The following ADSL variants were observed in gnomAD, a reference collection of about 807,000 sequenced individuals.
ADSL encodes adenylosuccinate lyase.
A neutral mutation model predicts 62.1 loss-of-function variants in ADSL; 44 were observed. The ratio of observed to expected loss-of-function variants is 0.71; its 90% CI spans 0.56 to 0.91. The LOEUF (loss-of-function observed/expected upper bound fraction) is 0.91, where lower values mean the gene tolerates loss of function less well. ADSL is among the 40% of genes least tolerant of loss of function. The probability of loss-of-function intolerance (pLI) is 0.00; values close to 1 mark genes in which losing one functional copy is unlikely to be tolerated. For missense variants in ADSL, 531 were observed against 627.4 expected, an observed-to-expected ratio of 0.85 and a Z score of 1.64; for synonymous variants, 198 against 220.5, an observed-to-expected ratio of 0.90 and a Z score of 0.90.
At chr22:40,358,609 C>T (rs185463168) in intron 4 of ADSL, among the ~76,000 whole-genome samples, 7 of 152,210 alleles carry the variant, frequency 4.6e-5, no homozygotes. Flanking sequence ...TAAAAATTGC[C>T]TCTTGATGAA....
rs1341052593 is a variant in ADSL, at chr22:40,359,017, T to C, written c.636T>C (p.Phe212=). The C allele has an allele frequency of 1.9e-6, 3 of 1,614,000 alleles. No individual in the cohort carries two copies. The highest frequency in any genetic ancestry group is 2.5e-6 in the Non-Finnish European group (3 of 1,180,036). Residue 212 remains phenylalanine (F), a synonymous_variant, in exon 5 of 13, where the codon TTT becomes TTC. Transcript: ENST00000623063. ...CTCAGGCCAGTTTCCTGCAGCTCTT[T>C]GAGGGAGATGACCATAAGGTATTCT... The part of the protein sequence containing the change: ...TGTQASFLQL[F]EGDDHKVEQL...
At chr22:40,351,100 T>A (rs910273011) in intron 2 of ADSL, among the ~76,000 whole-genome samples, 1 of 152,078 alleles carries the variant, frequency 6.6e-6, no homozygotes, top group Non-Finnish European at 1.5e-5. Flanking sequence ...GCTCAAGTGA[T>A]TCTCCCACCT....
intron 2 of ADSL, among the ~76,000 whole-genome samples, chr22:40,381,337 T>A (rs966181294): frequency 6.6e-6 from 1 of 152,026 alleles, no homozygotes; most frequent in Non-Finnish European, 1.5e-5. Flanking sequence ...TTTGTAGTGA[T>A]GAAGCCTCAC....
chr22:40,366,314 T>A, intron 12 of ADSL, 122 bp from the exon 13 acceptor site: 1 of 738,914 alleles, frequency 1.4e-6, no homozygotes, highest in Non-Finnish European at 2.4e-6. Flanking sequence ...GAAAACAAGC[T>A]CAGTGTTGGA....
chr22:40,374,621 G>A (rs114099302), intron 2 of ADSL, among the ~76,000 whole-genome samples: 2,245 of 152,264 alleles, frequency 0.015, 40 homozygotes, highest in African/African-American at 0.048. Context: ...GGCGGCTCAC[G>A]CCTGTAATCC....
At chr22:40,359,476 C>CTTTTTTT (rs56719087) in intron 6 of ADSL, among the ~76,000 whole-genome samples, 170 bp downstream of exon 6, 7 of 43,868 alleles carry the variant, frequency 1.6e-4, no homozygotes, top group East Asian at 5.3e-4. Context: ...TATCTGGATT[C>CTTTTTTT]TTTTTTTTTT....
intron 2 of ADSL, among the ~76,000 whole-genome samples, chr22:40,379,184 A>G (rs1236231779): frequency 2.0e-5 from 3 of 152,178 alleles, no homozygotes; most frequent in Non-Finnish European, 1.5e-5. Flanking sequence ...AGGGATTTCT[A>G]TCTATTTTGA....
chr22:40,370,050 C>G (rs970518266), downstream of ADSL, among the ~76,000 whole-genome samples: 1 of 152,076 alleles, frequency 6.6e-6, no homozygotes, highest in Non-Finnish European at 1.5e-5. Context: ...CAGAAAATTT[C>G]GTTTTCCGGC....
intron 4 of ADSL, among the ~76,000 whole-genome samples, chr22:40,354,702 C>T (rs1490971587): frequency 6.6e-6 from 1 of 151,988 alleles, no homozygotes; most frequent in African/African-American, 2.4e-5. Context: ...GAAACGCTGT[C>T]TCTACTAAAA....
intron 2 of ADSL, among the ~76,000 whole-genome samples, chr22:40,380,523 C>A (rs1014931506): frequency 6.6e-6 from 1 of 152,072 alleles, no homozygotes; most frequent in Non-Finnish European, 1.5e-5. Flanking sequence ...TGCCCCATGA[C>A]ACCTGGCTAA....
intron 2 of ADSL, among the ~76,000 whole-genome samples, chr22:40,383,872 G>A (rs2047993508): frequency 1.3e-5 from 2 of 152,186 alleles, no homozygotes; most frequent in South Asian, 4.1e-4. Flanking sequence ...CTGGATTAAG[G>A]CAGTGGAAAT....
At chr22:40,369,448 ATATT>A (rs1480341300), downstream of ADSL, 2 of 147,896 alleles carry the variant, frequency 1.4e-5, no homozygotes, top group African/African-American at 2.5e-5. Context: ...ACATTCATAT[ATATT>A]ATATATAATA....
At chr22:40,374,716 G>T (rs138465498) in intron 2 of ADSL, among the ~76,000 whole-genome samples, 1 of 152,152 alleles carries the variant, frequency 6.6e-6, no homozygotes, top group Non-Finnish European at 1.5e-5. Flanking sequence ...ATGCCATCTC[G>T]ACCAAAAACA....
intron 2 of ADSL, 58 bp downstream of exon 2, chr22:40,350,093 T>G: frequency 6.5e-7 from 1 of 1,530,752 alleles, no homozygotes; most frequent in Non-Finnish European, 9.0e-7. Context: ...TTTGTCAATT[T>G]TATTTGATGT....
At chr22:40,385,456 G>C (rs903313021) in intron 2 of ADSL, among the ~76,000 whole-genome samples, 1 of 152,176 alleles carries the variant, frequency 6.6e-6, no homozygotes, top group Non-Finnish European at 1.5e-5. Flanking sequence ...CAAAGGAAAA[G>C]AGTATAAAGG....
intron 10 of ADSL, among the ~76,000 whole-genome samples, chr22:40,363,381 A>G (rs572528655): frequency 2.6e-5 from 4 of 152,202 alleles, no homozygotes; most frequent in Admixed American, 6.5e-5. Flanking sequence ...AGATGGGTTC[A>G]TTTCTCTCCT....
intron 1 of ADSL, 25 bp downstream of exon 1, chr22:40,346,736 T>A (rs1298475812): frequency 6.3e-7 from 1 of 1,584,094 alleles, no homozygotes; most frequent in Non-Finnish European, 8.6e-7. Context: ...GCTGAGGGGC[T>A]GGGCCGGGAG....
At chr22:40,372,119 C>A (rs376278455), downstream of ADSL, among the ~76,000 whole-genome samples, 16 of 120,630 alleles carry the variant, frequency 1.3e-4, no homozygotes, top group African/African-American at 3.6e-4. Flanking sequence ...CTGTCCCCCC[C>A]CCCTTTTTTT....
intron 2 of ADSL, chr22:40,351,860 A>G (rs971178330): frequency 1.3e-5 from 2 of 151,478 alleles, no homozygotes; most frequent in East Asian, 4.0e-4. Flanking sequence ...TCACTGTGTT[A>G]ACCAGGATGG....
Sources: allele counts gnomAD v4.1 joint callset (sites outside exome capture counted in the v4.1 genomes callset), GRCh38; gene constraint gnomAD v4.1.1; transcripts MANE v1.5; gene names NCBI Gene and HGNC (gene_info 2026-07-23, HGNC 2026-07-21).